Variants in FKBP5 observed in about 807,000 individuals in gnomAD.
FKBP5 encodes the protein FKBP prolyl isomerase 5, also known as peptidyl-prolyl cis-trans isomerase FKBP5.
A neutral mutation model predicts 50.5 loss-of-function variants in FKBP5; 23 were observed. The observed-to-expected ratio is 0.46, with a 90% CI of 0.33 to 0.65. FKBP5 has a LOEUF of 0.65. FKBP5 is among the 30% of genes least tolerant of loss of function. The pLI is 0.02. For missense variants in FKBP5, 411 were observed against 553.1 expected, an observed-to-expected ratio of 0.74 and a Z score of 2.58; for synonymous variants, 176 against 190.6, an observed-to-expected ratio of 0.92 and a Z score of 0.63.
chr6:35,623,356 C>T lies in FKBP5; in HGVS notation c.251-3082G>A, dbSNP rs558016440. ...AAAGACATCATCATCATAATAAATG[C>T]AAATAGACCTACCTCATTCTTAATG... On this transcript the variant is annotated intron_variant, in intron 3 of 10. Coordinates refer to ENST00000357266, the MANE Select transcript of FKBP5 (RefSeq NM_004117.4). Among the ~76,000 whole-genome samples the T allele has an allele frequency of 1.1e-4, 16 of 152,300 alleles. 1 individual carries two copies. Among genetic ancestry groups the T allele is most frequent in the Middle Eastern group, 3.4e-3 (1 of 294 alleles).
At chr6:35,674,818 C>T (rs1334629906) in intron 1 of FKBP5, among the ~76,000 whole-genome samples, 1 of 152,216 alleles carries the variant, frequency 6.6e-6, no homozygotes, top group Non-Finnish European at 1.5e-5. Flanking sequence ...CAAGTTCTGT[C>T]ACCTTCCTGA....
At chr6:35,726,722 T>C (rs1766720988) in intron 1 of FKBP5, among the ~76,000 whole-genome samples, 1 of 152,232 alleles carries the variant, frequency 6.6e-6, no homozygotes, top group Non-Finnish European at 1.5e-5. Flanking sequence ...TAACCTAACA[T>C]CCAGCGTGTT....
chr6:35,583,215 T>C, intron 8 of FKBP5: 1 of 985,452 alleles, frequency 1.0e-6, no homozygotes, highest in Non-Finnish European at 1.2e-6. Context: ...TCATGCCTCA[T>C]TTCTTCATCC....
intron 5 of FKBP5, among the ~76,000 whole-genome samples, chr6:35,600,423 A>G (rs1195828516): frequency 6.6e-6 from 1 of 152,174 alleles, no homozygotes; most frequent in Admixed American, 6.5e-5. Flanking sequence ...CTCAAAAAAA[A>G]AAAGATATTT....
intron 1 of FKBP5, among the ~76,000 whole-genome samples, chr6:35,652,682 C>A (rs1365101688): frequency 2.6e-5 from 4 of 152,190 alleles, no homozygotes; most frequent in Non-Finnish European, 4.4e-5. Context: ...ACTTTATTAG[C>A]AATTTTAATT....
chr6:35,648,180 G>C (rs1223094188), intron 1 of FKBP5, among the ~76,000 whole-genome samples: 1 of 152,108 alleles, frequency 6.6e-6, no homozygotes, highest in Non-Finnish European at 1.5e-5. Context: ...AGTCAGACAT[G>C]GTTGAGAACC....
chr6:35,610,183 A>G (rs532926201), intron 5 of FKBP5, among the ~76,000 whole-genome samples: 19 of 152,350 alleles, frequency 1.2e-4, no homozygotes, highest in Middle Eastern at 6.8e-3. Flanking sequence ...TGATGGGCAC[A>G]GGAAAGTTGA....
At chr6:35,649,589 T>C (rs1764731993) in intron 1 of FKBP5, among the ~76,000 whole-genome samples, 1 of 152,000 alleles carries the variant, frequency 6.6e-6, no homozygotes, top group African/African-American at 2.4e-5. Flanking sequence ...ATTGTAAACA[T>C]GAAAGTTAAA....
chr6:35,665,413 G>A (rs969173951), intron 1 of FKBP5, among the ~76,000 whole-genome samples: 12 of 151,618 alleles, frequency 7.9e-5, no homozygotes, highest in African/African-American at 1.9e-4. Context: ...TCAGCCTCCC[G>A]AGTAGCTGGG....
chr6:35,598,805 T>C (rs1259424741), intron 5 of FKBP5, among the ~76,000 whole-genome samples: 1 of 151,670 alleles, frequency 6.6e-6, no homozygotes, highest in Non-Finnish European at 1.5e-5. Context: ...ACCCCATCTT[T>C]ACTAAAAATA....
chr6:35,595,432 A>G (rs2150963286), intron 6 of FKBP5, among the ~76,000 whole-genome samples: 1 of 152,334 alleles, frequency 6.6e-6, no homozygotes, highest in Middle Eastern at 3.4e-3. Context: ...AACTACTGTA[A>G]TTTTGAAATG....
chr6:35,721,340 C>T (rs1445606367), intron 1 of FKBP5, among the ~76,000 whole-genome samples: 1 of 148,664 alleles, frequency 6.7e-6, no homozygotes, highest in East Asian at 2.0e-4. Flanking sequence ...GAGCGAGACT[C>T]TGTCTCCAAA....
chr6:35,595,255 A>C (rs1230001825), intron 6 of FKBP5, among the ~76,000 whole-genome samples: 1 of 152,218 alleles, frequency 6.6e-6, no homozygotes, highest in East Asian at 1.9e-4. Flanking sequence ...TTGTCACTAA[A>C]CTTGAGACAT....
At chr6:35,590,056 G>A (rs1762765012) in intron 7 of FKBP5, among the ~76,000 whole-genome samples, 1 of 152,178 alleles carries the variant, frequency 6.6e-6, no homozygotes, top group South Asian at 2.1e-4. Context: ...CCAGCACTTT[G>A]GGAGGCCAAG....
rs1158530509 is a variant in FKBP5, at chr6:35,605,383, C to CTTTTTTTTTT, written c.509-7989_509-7980dup. On this transcript the variant is annotated intron_variant, in intron 5 of 10. Coordinates refer to ENST00000357266, the MANE Select transcript of FKBP5 (RefSeq NM_004117.4). The stretch of plus-strand genomic sequence containing the variant: ...TAATAAGAGCCACCTATGACAATAT[C>CTTTTTTTTTT]TTTTTTTTTTTTTTTTTTTTTTTTT... Among the ~76,000 whole-genome samples, 7 of 52,268 alleles carry CTTTTTTTTTT rather than the reference C, an allele frequency of 1.3e-4. 1 individual carries two copies. The highest frequency in any genetic ancestry group is 2.1e-4 in the Non-Finnish European group (6 of 28,890). The allele number at this position is 52,268 out of a possible 152,430, so 34.3% of individuals were successfully genotyped here.
rs1418468717 is a variant in FKBP5 at position 35,684,582 on chromosome 6, CTGAT to C, written c.-20+4218_-20+4221del. ...AATCACAATTTTCAATATCTTTTGA[CTGAT>C]TGTTTTAGAGAACTAAAATAAAATC... On this transcript the variant is annotated intron_variant, in intron 1 of 10. Coordinates refer to ENST00000357266, the MANE Select transcript of FKBP5 (RefSeq NM_004117.4). Among the ~76,000 whole-genome samples the C allele has an allele frequency of 7.2e-5, 11 of 152,160 alleles. No homozygotes were observed. In the East Asian group the frequency reaches 1.7e-3, roughly 24 times the overall value.
chr6:35,666,530 GA>G (rs1322762020), intron 1 of FKBP5, among the ~76,000 whole-genome samples: 1 of 150,468 alleles, frequency 6.6e-6, no homozygotes, highest in Admixed American at 6.6e-5. Flanking sequence ...GAAAGTTTAA[GA>G]ATGCCATGAA....
chr6:35,642,438 A>G (rs9348979), intron 2 of FKBP5, among the ~76,000 whole-genome samples: 32,801 of 152,074 alleles, frequency 0.22, 4,247 homozygotes, highest in Middle Eastern at 0.33. Flanking sequence ...TCTCTCAAAA[A>G]TTTAATTAAT....
At chr6:35,686,814 G>A (rs1480023149) in intron 1 of FKBP5, among the ~76,000 whole-genome samples, 1 of 149,110 alleles carries the variant, frequency 6.7e-6, no homozygotes, top group African/African-American at 2.6e-5. Flanking sequence ...GTTGCCTAAT[G>A]CAATATTTTA....
Sources: allele counts gnomAD v4.1 joint callset (sites outside exome capture counted in the v4.1 genomes callset), GRCh38; gene constraint gnomAD v4.1.1; transcripts MANE v1.5; gene names NCBI Gene and HGNC (gene_info 2026-07-23, HGNC 2026-07-21).